The following PRDM16 variants were observed in gnomAD, a reference collection of about 807,000 sequenced individuals.
PRDM16 encodes histone-lysine N-methyltransferase PRDM16.
A neutral mutation model predicts 110.6 loss-of-function variants in PRDM16; 23 were observed. The observed-to-expected ratio is 0.21, with a 90% confidence interval of 0.15 to 0.29. The LOEUF (loss-of-function observed/expected upper bound fraction) is 0.29. PRDM16 is among the 10% of genes least tolerant of loss of function. PRDM16 has a pLI of 1.00. For synonymous variants in PRDM16, 799 were observed against 781.8 expected, an observed-to-expected ratio of 1.02 and a Z score of -0.37; for missense variants, 1,615 against 1,794.3, an observed-to-expected ratio of 0.90 and a Z score of 1.81.
chr1:3,142,533 C>T (rs1045826836), intron 1 of PRDM16, among the ~76,000 whole-genome samples: 1 of 152,176 alleles, frequency 6.6e-6, no homozygotes, highest in Admixed American at 6.5e-5. Flanking sequence ...CAGGGATCCT[C>T]CTCACCTGCG....
chr1:3,071,224 G>C (rs962342165), intron 1 of PRDM16, among the ~76,000 whole-genome samples: 1 of 152,270 alleles, frequency 6.6e-6, no homozygotes, highest in Admixed American at 6.5e-5. Flanking sequence ...CACCCGCGCG[G>C]CCCTGGAAAC....
chr1:3,184,926 C>T (rs565190198), intron 1 of PRDM16, among the ~76,000 whole-genome samples: 12 of 152,310 alleles, frequency 7.9e-5, no homozygotes, highest in African/African-American at 2.2e-4. Flanking sequence ...CCCTCTGCAT[C>T]GGCTTCCTAC....
intron 3 of PRDM16, among the ~76,000 whole-genome samples, chr1:3,328,688 A>AC (rs1208202203): frequency 2.0e-5 from 3 of 151,652 alleles, no homozygotes; most frequent in East Asian, 1.9e-4. Context: ...CAGGAAGGAG[A>AC]CCCCCCAGGG....
At chr1:3,154,534 G>C (rs57763333) in intron 1 of PRDM16, among the ~76,000 whole-genome samples, 13,344 of 152,228 alleles carry the variant, frequency 0.088, 1,469 homozygotes, top group East Asian at 0.33. Flanking sequence ...CCTGCCTCAT[G>C]CCCCAGACCT....
At chr1:3,251,802 G>A (rs1383779612) in intron 3 of PRDM16, among the ~76,000 whole-genome samples, 1 of 152,192 alleles carries the variant, frequency 6.6e-6, no homozygotes, top group Non-Finnish European at 1.5e-5. Flanking sequence ...TAATCTTCAG[G>A]TGGGTGCAAT....
At chr1:3,256,560 TA>T (rs1374031304) in intron 3 of PRDM16, among the ~76,000 whole-genome samples, 1 of 152,150 alleles carries the variant, frequency 6.6e-6, no homozygotes, top group African/African-American at 2.4e-5. Context: ...GTCATTGCTC[TA>T]AAAAATAAAG....
At chr1:3,114,320 C>T (rs6687292) in intron 1 of PRDM16, among the ~76,000 whole-genome samples, 55,409 of 146,732 alleles carry the variant, frequency 0.38, 10,720 homozygotes, top group South Asian at 0.55. Flanking sequence ...CACACGCACA[C>T]ACGCAGTGTA....
Position 3,407,853 on chromosome 1 carries a change from C to T in PRDM16, c.1186+2205C>T, listed in dbSNP as rs116197992. ...CCCTGCCCCGCCTCGGCGACTCTTG[C>T]GCTTCTTGTCCACACACTCGGCTCA... is the stretch of plus-strand genomic sequence containing the variant. On this transcript the variant is annotated intron_variant, in intron 8 of 16. Coordinates refer to ENST00000270722, the MANE Select transcript of PRDM16 (RefSeq NM_022114.4). Among the ~76,000 whole-genome samples the T allele has an allele frequency of 7.4e-3, 1,120 of 152,346 alleles. 7 individuals are homozygous for T. The highest frequency in any genetic ancestry group is 0.025 in the African/African-American group (1,047 of 41,576).
At chr1:3,204,523 C>T (rs1476291873) in intron 2 of PRDM16, among the ~76,000 whole-genome samples, 1 of 152,210 alleles carries the variant, frequency 6.6e-6, no homozygotes, top group Admixed American at 6.5e-5. Flanking sequence ...TCCTTCTAGC[C>T]CTGCCCCTGT....
intron 1 of PRDM16, among the ~76,000 whole-genome samples, chr1:3,079,230 C>T (rs544728504): frequency 6.6e-6 from 1 of 152,252 alleles, no homozygotes; most frequent in Non-Finnish European, 1.5e-5. Flanking sequence ...GGAGAGGTCT[C>T]GGCTATGTCA....
rs1321985623 is a variant in PRDM16 at position 3,425,550 on chromosome 1, C to G, written c.2940-31C>G. On this transcript the variant is annotated intron_variant, in intron 12 of 16. Transcript: ENST00000270722. This position sits in a 1 kb window ranked among gnomAD's most constrained non-coding sequence, Gnocchi z 6.9. ...CCGGCCTGCCATGCAGAGCCGGGGCCTGCACTGAGGAGCGCGTGTGCCCCT... is the reference window on the plus strand; with the variant it reads ...CCGGCCTGCCATGCAGAGCCGGGGCGTGCACTGAGGAGCGCGTGTGCCCCT... 4 of 1,609,542 alleles carry G rather than the reference C, an allele frequency of 2.5e-6. No homozygotes were observed. In the Admixed American group the frequency reaches 6.7e-5, roughly 27 times the overall value.
At chr1:3,089,086 A>T (rs1472070740) in intron 1 of PRDM16, among the ~76,000 whole-genome samples, 1 of 152,166 alleles carries the variant, frequency 6.6e-6, no homozygotes. Flanking sequence ...CCAGTCCGAG[A>T]TGCAGGGATT....
chr1:3,127,830 C>G (rs749339861), intron 1 of PRDM16: 1 of 152,640 alleles, frequency 6.6e-6, no homozygotes, highest in African/African-American at 2.4e-5. Flanking sequence ...CAGTGGGAGG[C>G]GGGCAGGCCA....
chr1:3,075,102 C>T (rs1641867490), intron 1 of PRDM16, among the ~76,000 whole-genome samples: 1 of 152,250 alleles, frequency 6.6e-6, no homozygotes, highest in Non-Finnish European at 1.5e-5. Flanking sequence ...CTGGGCTGGC[C>T]CGCCTGGCCG....
intron 3 of PRDM16, among the ~76,000 whole-genome samples, chr1:3,288,564 C>G (rs1640906590): frequency 6.6e-6 from 1 of 152,160 alleles, no homozygotes; most frequent in Non-Finnish European, 1.5e-5. Flanking sequence ...CAGCCCAGCT[C>G]CAGCCCAAGC....
chr1:3,131,680 T>C (rs1569640265), intron 1 of PRDM16, among the ~76,000 whole-genome samples: 2 of 152,386 alleles, frequency 1.3e-5, no homozygotes, highest in Admixed American at 1.3e-4. Context: ...CTCTGGTCTG[T>C]CCGCTGCATG....
intron 3 of PRDM16, among the ~76,000 whole-genome samples, chr1:3,252,504 C>A (rs1378316876): frequency 2.0e-5 from 3 of 152,206 alleles, no homozygotes; most frequent in Non-Finnish European, 2.9e-5. Context: ...TAAGGCCTAT[C>A]TGGCTGGTGG....
intron 3 of PRDM16, among the ~76,000 whole-genome samples, chr1:3,331,824 T>C (rs1262839796): frequency 3.3e-5 from 5 of 152,190 alleles, no homozygotes; most frequent in Non-Finnish European, 7.4e-5. Context: ...GGAATGGCTG[T>C]GAGCTGTGGC....
rs566847553 is a variant in PRDM16, at chr1:3,265,433, C to T, written c.438+21296C>T. 6.6e-6 allele frequency among the ~76,000 whole-genome samples: 1 copy of T among 151,904 alleles called. No homozygotes were observed. The highest frequency in any genetic ancestry group is 2.1e-4 in the South Asian group (1 of 4,790). On this transcript the variant is annotated intron_variant, in intron 3 of 16. Coordinates refer to ENST00000270722, the MANE Select transcript of PRDM16 (RefSeq NM_022114.4). The surrounding 1 kb of genome is among the most constrained non-coding windows in gnomAD (Gnocchi z 4.5). Reference sequence around the variant, plus strand: ...GGCCTAGTAGGGGCTGAGGTCCTGTCCCAGTAGGGGGTTGGGGAGGGACTT... The same window carrying T: ...GGCCTAGTAGGGGCTGAGGTCCTGTTCCAGTAGGGGGTTGGGGAGGGACTT...
Sources: allele counts gnomAD v4.1 joint callset (sites outside exome capture counted in the v4.1 genomes callset), GRCh38; gene constraint gnomAD v4.1.1; non-coding constraint Gnocchi (gnomAD v3.1); transcripts MANE v1.5; gene names NCBI Gene and HGNC (gene_info 2026-07-23, HGNC 2026-07-21).